Variants in OPCML observed in about 807,000 individuals in gnomAD.
The protein encoded by OPCML is opioid-binding protein/cell adhesion molecule.
OPCML carries 13 observed loss-of-function variants against 37.8 expected under a neutral mutation model. That is an observed-to-expected ratio of 0.34 (90% CI 0.22 to 0.55). The LOEUF (loss-of-function observed/expected upper bound fraction) is 0.55. OPCML is among the 20% of genes least tolerant of loss of function. OPCML has a pLI of 0.91. For synonymous variants in OPCML, 176 were observed against 168.8 expected, an observed-to-expected ratio of 1.04 and a Z score of -0.33; for missense variants, 341 against 435.6, an observed-to-expected ratio of 0.78 and a Z score of 1.93.
intron 2 of OPCML, among the ~76,000 whole-genome samples, chr11:132,824,952 G>A (rs1462176979): frequency 6.6e-6 from 1 of 152,114 alleles, no homozygotes. Flanking sequence ...ATAGGAAGAT[G>A]CCTCCTGTCT....
chr11:132,685,888 A>G (rs1943143791), intron 2 of OPCML, among the ~76,000 whole-genome samples: 1 of 152,204 alleles, frequency 6.6e-6, no homozygotes, highest in East Asian at 1.9e-4. Context: ...CCCCAGTTCA[A>G]TGGCATCTGC....
intron 2 of OPCML, among the ~76,000 whole-genome samples, chr11:132,817,786 A>C (rs142719338): frequency 0.016 from 2,496 of 152,284 alleles, 27 homozygotes; most frequent in Middle Eastern, 0.031. Flanking sequence ...ATGTAATGGA[A>C]GAAGAGCCTA....
rs764361559 is a variant in OPCML at position 132,457,572 on chromosome 11, C to G, written c.506-20213G>C. 5.9e-5 allele frequency among the ~76,000 whole-genome samples: 9 copies of G among 152,332 alleles called. No individual in the cohort carries two copies. The South Asian group carries it at 1.9e-3, about 32-fold the overall frequency. ...GATAACCAAACAAATACCAATATAA[C>G]AGCAAACCTTAATAAGGACTGTGAA... On this transcript the variant is annotated intron_variant, in intron 4 of 7. Coordinates refer to ENST00000524381, the MANE Select transcript of OPCML (RefSeq NM_001012393.5).
chr11:132,954,685 T>C (rs570354467), intron 1 of OPCML, among the ~76,000 whole-genome samples: 3 of 152,338 alleles, frequency 2.0e-5, no homozygotes, highest in East Asian at 1.9e-4. Context: ...TTTACAGTCA[T>C]AGATTTTGGA....
chr11:133,116,245 G>C (rs1472121656), intron 1 of OPCML, among the ~76,000 whole-genome samples: 2 of 152,168 alleles, frequency 1.3e-5, no homozygotes, highest in African/African-American at 4.8e-5. Flanking sequence ...GAGATTACAG[G>C]TGTGAGCCAC....
intron 4 of OPCML, among the ~76,000 whole-genome samples, chr11:132,455,642 A>G (rs1368986131): frequency 6.6e-6 from 1 of 152,192 alleles, no homozygotes; most frequent in African/African-American, 2.4e-5. Flanking sequence ...ACACTACATT[A>G]TATGTTCACT....
In OPCML at chr11:132,599,254, C is replaced by G. The variant is rs147486134; in HGVS notation, c.379+57833G>C. Among the ~76,000 whole-genome samples the G allele has an allele frequency of 9.4e-3, 1,425 of 151,910 alleles. 20 individuals carry two copies. Among genetic ancestry groups the G allele is most frequent in the African/African-American group, 0.033 (1,366 of 41,400 alleles). On this transcript the variant is annotated intron_variant, in intron 3 of 7. Transcript: ENST00000524381. ...TAAGCCGAGATTGCACCACTGCACTCCAGCCTGGGTGACAGACCAAGTCTC... is the reference window on the plus strand; with the variant it reads ...TAAGCCGAGATTGCACCACTGCACTGCAGCCTGGGTGACAGACCAAGTCTC...
At chr11:132,890,607 GAGGCCGAGGC>G (rs202074951) in intron 2 of OPCML, among the ~76,000 whole-genome samples, 7,944 of 151,716 alleles carry the variant, frequency 0.052, 357 homozygotes, top group South Asian at 0.13. Context: ...AGCACTTTGG[GAGGCCGAGGC>G]AGGCGGATCA....
At chr11:132,793,464 C>T (rs1270172767) in intron 2 of OPCML, among the ~76,000 whole-genome samples, 3 of 152,170 alleles carry the variant, frequency 2.0e-5, no homozygotes, top group Non-Finnish European at 4.4e-5. Flanking sequence ...ATTCTGTCCC[C>T]TTCTCCTTAA....
rs568562652 is a variant in OPCML at position 132,650,203 on chromosome 11, A to C, written c.379+6884T>G. On this transcript the variant is annotated intron_variant, in intron 3 of 7. Transcript: ENST00000524381. ...ACAGTCACCCCTAACTAGCAGTGTTAGTAAGGGACACTAAATCCTAAAGCC... is the reference window on the plus strand; with the variant it reads ...ACAGTCACCCCTAACTAGCAGTGTTCGTAAGGGACACTAAATCCTAAAGCC... 5.0e-4 allele frequency among the ~76,000 whole-genome samples: 76 copies of C among 152,372 alleles called. No homozygotes were observed. The South Asian group carries it at 0.016, about 32-fold the overall frequency.
At chr11:132,513,805 G>T (rs1406004837) in intron 4 of OPCML, among the ~76,000 whole-genome samples, 1 of 152,124 alleles carries the variant, frequency 6.6e-6, no homozygotes. Flanking sequence ...ACAACATGAT[G>T]AATATATCAC....
chr11:132,430,432 C>G (rs61498343), intron 7 of OPCML, among the ~76,000 whole-genome samples: 9,376 of 152,230 alleles, frequency 0.062, 412 homozygotes, highest in South Asian at 0.15. Flanking sequence ...AAGTCCGGCT[C>G]AGAGAGCCAG....
At chr11:132,905,225 C>CTTTTTTTTTTTTTTTTTTTTTTT in intron 2 of OPCML, among the ~76,000 whole-genome samples, 1 of 88,394 alleles carries the variant, frequency 1.1e-5, no homozygotes, top group Non-Finnish European at 2.1e-5. Context: ...GAAAGCAGTT[C>CTTTTTTTTTTTTTTTTTTTTTTT]TTTTTTTTTT....
At chr11:132,486,412 T>TA (rs552526657) in intron 4 of OPCML, among the ~76,000 whole-genome samples, 23 of 151,960 alleles carry the variant, frequency 1.5e-4, no homozygotes, top group East Asian at 3.9e-4. Flanking sequence ...TCTTCATTGT[T>TA]AAAAAAAATG....
chr11:133,320,078 C>T (rs1943294939), intron 1 of OPCML, among the ~76,000 whole-genome samples: 2 of 152,136 alleles, frequency 1.3e-5, no homozygotes, highest in Admixed American at 6.5e-5. Flanking sequence ...CTAAGCAATG[C>T]ATTCCTCTCC....
At chr11:132,959,111 A>G (rs1251141694) in intron 1 of OPCML, among the ~76,000 whole-genome samples, 1 of 152,248 alleles carries the variant, frequency 6.6e-6, no homozygotes, top group East Asian at 1.9e-4. Context: ...AACACTTGTG[A>G]TTCATGGAAG....
intron 1 of OPCML, among the ~76,000 whole-genome samples, chr11:133,386,845 G>A (rs910613831): frequency 1.3e-5 from 2 of 152,218 alleles, no homozygotes; most frequent in African/African-American, 2.4e-5. Context: ...CCACACGGCA[G>A]CAGGGACAGA....
In OPCML at chr11:133,106,701, G is replaced by C. The variant is rs897414245; in HGVS notation, c.62-163691C>G. ...ATGACATATCCAGGACCAGACAATAGAGCACATGTCAAAGTCAGCTGCTTA... is the reference window on the plus strand; with the variant it reads ...ATGACATATCCAGGACCAGACAATACAGCACATGTCAAAGTCAGCTGCTTA... On this transcript the variant is annotated intron_variant, in intron 1 of 7. Coordinates refer to ENST00000524381, the MANE Select transcript of OPCML (RefSeq NM_001012393.5). 2.0e-5 allele frequency among the ~76,000 whole-genome samples: 3 copies of C among 152,228 alleles called. No homozygotes were observed. In the South Asian group the frequency reaches 6.2e-4, roughly 31 times the overall value.
chr11:132,949,454 G>A (rs1489326783), intron 1 of OPCML, among the ~76,000 whole-genome samples: 1 of 152,190 alleles, frequency 6.6e-6, no homozygotes, highest in Non-Finnish European at 1.5e-5. Context: ...CTTCTGTTCA[G>A]AACCTAAACT....
Sources: allele counts gnomAD v4.1 joint callset (sites outside exome capture counted in the v4.1 genomes callset), GRCh38; gene constraint gnomAD v4.1.1; transcripts MANE v1.5; gene names NCBI Gene and HGNC (gene_info 2026-07-23, HGNC 2026-07-21).